The following MAGEC3 variants were observed in gnomAD, a reference collection of about 807,000 sequenced individuals.
The protein encoded by MAGEC3 is melanoma-associated antigen C3.
In MAGEC3, 34 loss-of-function variants were observed where a neutral mutation model predicts 35.3. The observed-to-expected ratio is 0.96, with a 90% CI of 0.73 to 1.28. The LOEUF is 1.28. MAGEC3 is among the 50% of genes most tolerant of loss of function. The pLI is 0.00. For missense variants in MAGEC3, 561 were observed against 483.6 expected, an observed-to-expected ratio of 1.16 and a Z score of -1.50; for synonymous variants, 202 against 185.6, an observed-to-expected ratio of 1.09 and a Z score of -0.72.
chrX:141,881,384 A>T lies in MAGEC3; in HGVS notation c.516-19A>T, dbSNP rs370946097. 1.2e-5 allele frequency: 14 copies of T among 1,175,478 alleles called. No homozygotes were observed. The Admixed American group carries it at 1.3e-4, about 11-fold the overall frequency. ...GAGCCTAGCAGCCAATAAGATGAAG[A>T]TACAAGTACCTGGCACAGCTTGCCA... On this transcript the variant is annotated intron_variant, in intron 3 of 7. Coordinates refer to ENST00000298296, the MANE Select transcript of MAGEC3 (RefSeq NM_138702.1).
At chrX:141,850,586 G>C (rs752518166) in intron 1 of MAGEC3, among the ~76,000 whole-genome samples, 1 of 110,774 alleles carries the variant, frequency 9.0e-6, no homozygotes, top group African/African-American at 3.3e-5. Flanking sequence ...ATTATGGAGG[G>C]TAATCTGTTT....
chrX:141,889,886 C>T (rs1047174564), intron 4 of MAGEC3, among the ~76,000 whole-genome samples: 2 of 112,681 alleles, frequency 1.8e-5, no homozygotes, highest in Non-Finnish European at 3.8e-5. Context: ...GTTGCAGAAA[C>T]GAGGACTGTA....
intron 1 of MAGEC3, among the ~76,000 whole-genome samples, chrX:141,843,428 A>C (rs1047862107): frequency 2.7e-5 from 3 of 111,717 alleles, no homozygotes; most frequent in African/African-American, 6.5e-5. Flanking sequence ...GGCTAGCTAC[A>C]TATTTTTGTA....
At chrX:141,889,092 T>G (rs1436731583) in intron 4 of MAGEC3, among the ~76,000 whole-genome samples, 2 of 112,059 alleles carry the variant, frequency 1.8e-5, no homozygotes, top group Non-Finnish European at 3.8e-5. Context: ...AGTGGGCTCA[T>G]GCTCATGGAA....
In MAGEC3 at chrX:141,881,457, G is replaced by T; in HGVS notation, c.570G>T (p.Lys190Asn). 1.7e-6 allele frequency: 2 copies of T among 1,210,418 alleles called. No homozygotes were observed. The highest frequency in any genetic ancestry group is 3.5e-5 in the South Asian group (2 of 56,675). ...FTYTLDEKVDKLVQFLLLKYQ... is the reference protein window; with the variant it reads ...FTYTLDEKVDNLVQFLLLKYQ... ...ATACACTGGATGAAAAGGTGGACAA[G>T]TTGGTGCAGTTTCTTCTCCTCAAAT... The change falls in exon 4 of 8, where the codon AAG (lysine) becomes AAT (asparagine). Residue 190 changes from lysine to asparagine, a missense_variant. Lys to Asn is a moderately conservative substitution (Grantham distance 94). Transcript: ENST00000298296.
chrX:141,861,894 T>G (rs1031097358), intron 1 of MAGEC3, among the ~76,000 whole-genome samples: 1 of 111,781 alleles, frequency 8.9e-6, no homozygotes, highest in Non-Finnish European at 1.9e-5. Context: ...ATGGCTAAGA[T>G]TTCAAAAGCA....
At chrX:141,856,589 A>G (rs1000644579) in intron 1 of MAGEC3, among the ~76,000 whole-genome samples, 5 of 111,795 alleles carry the variant, frequency 4.5e-5, no homozygotes, top group Non-Finnish European at 9.4e-5. Context: ...CTATATCAAT[A>G]TGTTGAAAAA....
chrX:141,867,848 C>T (rs1319588350), intron 2 of MAGEC3, among the ~76,000 whole-genome samples: 1 of 112,067 alleles, frequency 8.9e-6, no homozygotes, highest in African/African-American at 3.2e-5. Context: ...AGAGGCTGGG[C>T]ATGGTGGCTC....
chrX:141,858,096 A>C (rs1171668772), intron 1 of MAGEC3, among the ~76,000 whole-genome samples: 14 of 110,885 alleles, frequency 1.3e-4, no homozygotes. Flanking sequence ...TTATAACTTT[A>C]TATACTTATA....
At chrX:141,846,281 T>C (rs1431002273) in intron 1 of MAGEC3, among the ~76,000 whole-genome samples, 2 of 109,269 alleles carry the variant, frequency 1.8e-5, no homozygotes, top group African/African-American at 6.6e-5. Flanking sequence ...AATGTACTTA[T>C]GCATTCAGAA....
At chrX:141,864,938 G>T (rs1162239145) in intron 1 of MAGEC3, among the ~76,000 whole-genome samples, 1 of 111,931 alleles carries the variant, frequency 8.9e-6, no homozygotes, top group Admixed American at 9.5e-5. Flanking sequence ...TCAAAAATAT[G>T]ATGCATCTAC....
rs1297678922 is a variant in MAGEC3, at chrX:141,896,970, C to T, written c.1212C>T (p.Pro404=). Residue 404 remains proline (P), a synonymous_variant, in exon 7 of 8, where the codon CCC becomes CCT. Coordinates refer to ENST00000298296, the MANE Select transcript of MAGEC3 (RefSeq NM_138702.1). ...CCCAGGGTCCTCCCAAGATCTCTCC[C>T]CAGGGTCCTCCGCAGAGTCCTCCCC... ...IPPQGPPKIS[P]QGPPQSPPQS... The T allele has an allele frequency of 3.3e-6, 4 of 1,198,176 alleles. No individual in the cohort carries two copies. In the South Asian group the frequency reaches 5.4e-5, roughly 16 times the overall value.
chrX:141,845,956 A>G (rs1413665033), intron 1 of MAGEC3, among the ~76,000 whole-genome samples: 2 of 110,960 alleles, frequency 1.8e-5, no homozygotes, highest in Non-Finnish European at 3.8e-5. Context: ...AGTGAAAGTA[A>G]GTTAAATAAT....
At chrX:141,883,756 C>G (rs1423121171) in intron 4 of MAGEC3, among the ~76,000 whole-genome samples, 1 of 113,080 alleles carries the variant, frequency 8.8e-6, no homozygotes, top group Non-Finnish European at 1.9e-5. Context: ...TTGGAAATCA[C>G]TTTGTAAATA....
At chrX:141,894,244 C>T (rs1389297880) in intron 4 of MAGEC3, among the ~76,000 whole-genome samples, 4 of 111,808 alleles carry the variant, frequency 3.6e-5, no homozygotes, top group African/African-American at 6.5e-5. Context: ...TGGAACTCCA[C>T]GCATTTGCTA....
chrX:141,846,223 A>G (rs1222779037), intron 1 of MAGEC3, among the ~76,000 whole-genome samples: 1 of 106,474 alleles, frequency 9.4e-6, no homozygotes, highest in South Asian at 4.0e-4. Context: ...TTTTTTTTTA[A>G]ATAAATGTGT....
At chrX:141,849,456 A>G (rs867102859) in intron 1 of MAGEC3, among the ~76,000 whole-genome samples, 1 of 110,150 alleles carries the variant, frequency 9.1e-6, no homozygotes, top group Non-Finnish European at 1.9e-5. Flanking sequence ...TAAAGAGCCA[A>G]ACAGAGTAAA....
intron 4 of MAGEC3, 135 bp downstream of exon 4, chrX:141,881,931 T>A: frequency 1.2e-6 from 1 of 865,547 alleles, no homozygotes; most frequent in African/African-American, 2.0e-5. Flanking sequence ...TCCTGTGGGG[T>A]CCTAGAGCCC....
intron 2 of MAGEC3, among the ~76,000 whole-genome samples, chrX:141,873,193 G>C (rs915034978): frequency 9.0e-6 from 1 of 111,195 alleles, no homozygotes; most frequent in South Asian, 3.9e-4. Flanking sequence ...TCAGAGGCTT[G>C]GACTGCTTTT....
Sources: allele counts gnomAD v4.1 joint callset (sites outside exome capture counted in the v4.1 genomes callset), GRCh38; gene constraint gnomAD v4.1.1; transcripts MANE v1.5; gene names NCBI Gene and HGNC (gene_info 2026-07-23, HGNC 2026-07-21).